DDX24: variants seen among roughly 807,000 people sequenced by gnomAD.
The protein encoded by DDX24 is ATP-dependent RNA helicase DDX24.
DDX24 carries 24 observed loss-of-function variants against 68.9 expected under a neutral mutation model. That is an observed-to-expected ratio of 0.35 (90% CI 0.25 to 0.49). The LOEUF is 0.49. Ranked by LOEUF, DDX24 falls within the 20% of genes least tolerant of loss-of-function variation. The probability of loss-of-function intolerance (pLI) is 0.99; values close to 1 mark genes in which losing one functional copy is unlikely to be tolerated. For synonymous variants in DDX24, 395 were observed against 385.2 expected, an observed-to-expected ratio of 1.03 and a Z score of -0.30; for missense variants, 989 against 1,039.0, an observed-to-expected ratio of 0.95 and a Z score of 0.66.
At chr14:94,059,467 T>C (rs957464641) in intron 5 of DDX24, among the ~76,000 whole-genome samples, 5 of 152,248 alleles carry the variant, frequency 3.3e-5, no homozygotes, top group Non-Finnish European at 7.3e-5. Context: ...TTTTTCCATC[T>C]ATAAATGAGA....
intron 4 of DDX24, 25 bp from the exon 5 acceptor site, chr14:94,060,638 C>T (rs1469318232): frequency 3.1e-6 from 5 of 1,604,710 alleles, no homozygotes; most frequent in Non-Finnish European, 4.3e-6. Flanking sequence ...AGACCCATAT[C>T]ATTGGTCAGC....
intron 2 of DDX24, among the ~76,000 whole-genome samples, chr14:94,077,126 A>G (rs920672972): frequency 2.0e-5 from 3 of 152,238 alleles, no homozygotes; most frequent in Admixed American, 6.5e-5. Context: ...TGTTATCTGT[A>G]AGGCATCCAG....
chr14:94,072,951 TTAAAA>T (rs1885862486), intron 2 of DDX24, among the ~76,000 whole-genome samples: 1 of 151,282 alleles, frequency 6.6e-6, no homozygotes, highest in Non-Finnish European at 1.5e-5. Context: ...AAAAAAAAAT[TTAAAA>T]TAAAAAACAG....
chr14:94,078,734 T>G (rs1885996074), intron 2 of DDX24, among the ~76,000 whole-genome samples: 1 of 152,150 alleles, frequency 6.6e-6, no homozygotes, highest in Non-Finnish European at 1.5e-5. Flanking sequence ...AGTGTAAGCT[T>G]TAGTTTACTG....
In DDX24 at chr14:94,076,469, G is replaced by A. The variant is rs116834186; in HGVS notation, c.718+2556C>T. Among the ~76,000 whole-genome samples the A allele has an allele frequency of 7.7e-4, 117 of 152,154 alleles. 1 individual carries two copies. Among genetic ancestry groups the A allele is most frequent in the African/African-American group, 2.7e-3 (113 of 41,532 alleles). The stretch of plus-strand genomic sequence containing the variant: ...AGGCCGAAGCAGGCAGGTCATGAGG[G>A]CAGGAGTTTGCGACCAGCCTGACCA... On this transcript the variant is annotated intron_variant, in intron 2 of 8. Transcript: ENST00000621632.
chr14:94,072,212 A>T lies in DDX24; in HGVS notation c.718+6813T>A, dbSNP rs917558872. Among the ~76,000 whole-genome samples the T allele has an allele frequency of 2.6e-5, 4 of 152,364 alleles. No individual in the cohort carries two copies. In the South Asian group the frequency reaches 8.3e-4, roughly 32 times the overall value. On this transcript the variant is annotated intron_variant, in intron 2 of 8. Coordinates refer to ENST00000621632, the MANE Select transcript of DDX24 (RefSeq NM_020414.4). The stretch of plus-strand genomic sequence containing the variant: ...AATCATGGAACCAACCCAAATGCCC[A>T]TCAATCAACGAGTAGATAAAGAAAC...
At chr14:94,078,291 G>A (rs148387960) in intron 2 of DDX24, among the ~76,000 whole-genome samples, 1 of 152,312 alleles carries the variant, frequency 6.6e-6, no homozygotes, top group Non-Finnish European at 1.5e-5. Context: ...TGGATATCAA[G>A]AGATGACTAT....
chr14:94,079,191 A>T lies in DDX24; in HGVS notation c.552T>A (p.Val184=), dbSNP rs1323449443. 2 of 1,614,220 alleles carry T rather than the reference A, an allele frequency of 1.2e-6. No individual in the cohort carries two copies. Among genetic ancestry groups the T allele is most frequent in the African/African-American group, 2.7e-5 (2 of 75,060 alleles). Residue 184 remains valine, a synonymous_variant, in exon 2 of 9, where the codon GTT becomes GTA. Coordinates refer to ENST00000621632, the MANE Select transcript of DDX24 (RefSeq NM_020414.4). ...PKKAKTWIPE[V]HDQKADVSAW... ...CTGACACATCTGCTTTCTGATCATGAACTTCAGGAATCCATGTCTTCGCTT... is the reference window on the plus strand; with the variant it reads ...CTGACACATCTGCTTTCTGATCATGTACTTCAGGAATCCATGTCTTCGCTT...
chr14:94,067,864 C>T (rs897733646), intron 2 of DDX24, among the ~76,000 whole-genome samples: 2 of 152,036 alleles, frequency 1.3e-5, no homozygotes, highest in African/African-American at 2.4e-5. Context: ...ACCCTGGAGA[C>T]GTATTAAAAC....
At chr14:94,069,286 G>GAA (rs538098989) in intron 2 of DDX24, among the ~76,000 whole-genome samples, 11 of 151,214 alleles carry the variant, frequency 7.3e-5, no homozygotes, top group African/African-American at 2.4e-4. Context: ...TAAATTCCTG[G>GAA]AAAAAAAACC....
Position 94,060,295 on chromosome 14 carries a change from A to G in DDX24, c.1716T>C (p.Thr572=). 6.2e-7 allele frequency: 1 copy of G among 1,614,214 alleles called. No individual in the cohort carries two copies. Among genetic ancestry groups the G allele is most frequent in the Non-Finnish European group, 8.5e-7 (1 of 1,180,046 alleles). The part of the protein sequence containing the change: ...TLTETKIHCE[T]DEKDFYLYYF... ...AGTACAAGTAGAAGTCTTTCTCATC[A>G]GTCTCACAATGGATCTTGGTCTCTG... The change falls in exon 5 of 9, where the codon ACT becomes ACC. Residue 572 remains threonine (T), a synonymous_variant. Transcript: ENST00000621632.
intron 7 of DDX24, among the ~76,000 whole-genome samples, chr14:94,053,540 C>T (rs965003753): frequency 3.3e-5 from 5 of 151,852 alleles, no homozygotes; most frequent in Admixed American, 2.6e-4. Context: ...TTGAGCCGGG[C>T]ATGGTGGCTC....
intron 6 of DDX24, chr14:94,055,405 T>A: frequency 1.8e-6 from 1 of 550,638 alleles, no homozygotes; most frequent in South Asian, 2.8e-5. Context: ...CCCATGCCCC[T>A]GACCCTGGTT....
Position 94,063,286 on chromosome 14 carries a change from T to C in DDX24, c.719-665A>G, listed in dbSNP as rs187206378. Among the ~76,000 whole-genome samples, 1,397 of 152,042 alleles carry C rather than the reference T, an allele frequency of 9.2e-3. 18 individuals are homozygous for C. Among genetic ancestry groups the C allele is most frequent in the Non-Finnish European group, 0.012 (827 of 67,988 alleles). On this transcript the variant is annotated intron_variant, in intron 2 of 8. Coordinates refer to ENST00000621632, the MANE Select transcript of DDX24 (RefSeq NM_020414.4). ...AATAACCACACACACAAAAATAAGATACTATAAGGAAAAAAGAGAGCAAAA... is the reference window on the plus strand; with the variant it reads ...AATAACCACACACACAAAAATAAGACACTATAAGGAAAAAAGAGAGCAAAA...
rs201380632 is a variant in DDX24 at position 94,062,589 on chromosome 14, T to C, written c.751A>G (p.Met251Val). 4.7e-5 allele frequency: 75 copies of C among 1,603,520 alleles called. No individual in the cohort carries two copies. Among genetic ancestry groups the C allele is most frequent in the Middle Eastern group, 1.7e-4 (1 of 6,016 alleles). Reference sequence around the variant, plus strand: ...TGCCACTGCAACACCGCATGAATCATTGGGATGGCAAAGGCAAGAGTTTTC... The same window carrying C: ...TGCCACTGCAACACCGCATGAATCACTGGGATGGCAAAGGCAAGAGTTTTC... ...SGKTLAFAIP[M>V]IHAVLQWQKR... is the part of the protein sequence containing the mutation. The change falls in exon 3 of 9, where the codon ATG (methionine) becomes GTG (valine). Residue 251 changes from methionine to valine, a missense_variant. This residue lies in a region of DDX24 where 691 missense variants were observed against 760.0 expected (regional missense o/e 0.91). Transcript: ENST00000621632.
intron 4 of DDX24, 114 bp from the exon 5 acceptor site, chr14:94,060,727 T>TACC: frequency 6.8e-7 from 1 of 1,463,628 alleles, no homozygotes; most frequent in Non-Finnish European, 9.2e-7. Flanking sequence ...CACACCCCAC[T>TACC]ACCACCACCA....
intron 5 of DDX24, among the ~76,000 whole-genome samples, chr14:94,058,143 T>G (rs1346399356): frequency 6.6e-6 from 1 of 152,068 alleles, no homozygotes; most frequent in Admixed American, 6.5e-5. Context: ...CATGCCATAC[T>G]CTGCAATGAT....
At chr14:94,057,946 A>C (rs922765433) in intron 5 of DDX24, 49 bp from the exon 6 acceptor site, 3 of 1,571,496 alleles carry the variant, frequency 1.9e-6, no homozygotes, top group Non-Finnish European at 2.6e-6. Flanking sequence ...AGCTATCTTT[A>C]ATCAAATTCT....
intron 7 of DDX24, among the ~76,000 whole-genome samples, chr14:94,054,532 A>C (rs1014747980): frequency 1.3e-5 from 2 of 152,110 alleles, no homozygotes; most frequent in Non-Finnish European, 2.9e-5. Flanking sequence ...AACCCACCCC[A>C]CTTTGGTCAC....
Sources: allele counts gnomAD v4.1 joint callset (sites outside exome capture counted in the v4.1 genomes callset), GRCh38; gene constraint gnomAD v4.1.1; regional missense constraint gnomAD v4.1.1; transcripts MANE v1.5; gene names NCBI Gene and HGNC (gene_info 2026-07-23, HGNC 2026-07-21).